The following SKAP1 variants were observed in gnomAD, a reference collection of about 807,000 sequenced individuals.
SKAP1 encodes src kinase-associated phosphoprotein 1.
In SKAP1, 44 loss-of-function variants were observed where a neutral mutation model predicts 58.5. That is an observed-to-expected ratio of 0.75 (90% CI 0.59 to 0.97). The LOEUF (loss-of-function observed/expected upper bound fraction) is 0.97, where lower values mean the gene tolerates loss of function less well. Among genes scored for constraint, SKAP1 ranks in the 50% least tolerant of loss-of-function variants. The probability of loss-of-function intolerance (pLI) is 0.00; values close to 1 mark genes in which losing one functional copy is unlikely to be tolerated. For synonymous variants in SKAP1, 127 were observed against 149.7 expected (o/e 0.85, Z 1.11); for missense variants, 390 against 435.2 (o/e 0.90, Z 0.92).
intron 4 of SKAP1, among the ~76,000 whole-genome samples, chr17:48,240,459 A>G (rs1487506736): frequency 6.6e-6 from 1 of 152,112 alleles, no homozygotes; most frequent in African/African-American, 2.4e-5. Flanking sequence ...ACAGGAAATA[A>G]CTCCTTTTAT....
chr17:48,323,735 G>A (rs765186916), intron 4 of SKAP1, among the ~76,000 whole-genome samples: 5 of 152,030 alleles, frequency 3.3e-5, no homozygotes, highest in Non-Finnish European at 7.4e-5. Context: ...ACATAACGAA[G>A]AGGGAGATAC....
At chr17:48,268,433 C>T (rs371314531) in intron 4 of SKAP1, among the ~76,000 whole-genome samples, 64 of 152,228 alleles carry the variant, frequency 4.2e-4, no homozygotes, top group East Asian at 3.9e-3. Flanking sequence ...AGAGCTGCTG[C>T]GGAAAATACT....
At position 48,386,306 on chromosome 17, in the gene SKAP1, C is replaced by CTTT. The variant is rs201047932; in HGVS notation, c.152+10371_152+10373dup. Among the ~76,000 whole-genome samples the CTTT allele has an allele frequency of 3.5e-3, 445 of 127,274 alleles. 8 individuals are homozygous for CTTT. Among genetic ancestry groups the CTTT allele is most frequent in the African/African-American group, 4.4e-3 (147 of 33,756 alleles). 83.5% of individuals were successfully genotyped at this position (127,274 alleles called of 152,430 possible). ...GCAACATGCCAGCACCATGCTAGAC[C>CTTT]TTTTTTTTTTTTTTTTTTGGTGACT... On this transcript the variant is annotated intron_variant, in intron 2 of 12. Transcript: ENST00000336915.
At chr17:48,235,091 C>T (rs138387634) in intron 4 of SKAP1, among the ~76,000 whole-genome samples, 23 of 152,192 alleles carry the variant, frequency 1.5e-4, no homozygotes, top group African/African-American at 5.5e-4. Flanking sequence ...GAAGGCTTCA[C>T]AGAGGAGACA....
chr17:48,313,227 ACAAGAT>A (rs1367285669), intron 4 of SKAP1, among the ~76,000 whole-genome samples: 2 of 152,188 alleles, frequency 1.3e-5, no homozygotes, highest in Middle Eastern at 3.4e-3. Flanking sequence ...ATGACCTTTG[ACAAGAT>A]TCCCCATGCG....
At chr17:48,191,110 G>C (rs146226558) in intron 4 of SKAP1, among the ~76,000 whole-genome samples, 2 of 152,328 alleles carry the variant, frequency 1.3e-5, no homozygotes, top group East Asian at 3.9e-4. Flanking sequence ...CTTTCAATTA[G>C]CCTTGTTAGG....
intron 2 of SKAP1, among the ~76,000 whole-genome samples, chr17:48,378,061 AAGACCTGT>A (rs1278376242): frequency 6.6e-6 from 1 of 152,092 alleles, no homozygotes; most frequent in Non-Finnish European, 1.5e-5. Flanking sequence ...ATTAGTCACC[AAGACCTGT>A]AGATTCTACT....
intron 1 of SKAP1, among the ~76,000 whole-genome samples, chr17:48,411,436 A>T (rs1381655013): frequency 6.6e-6 from 1 of 151,662 alleles, no homozygotes; most frequent in Non-Finnish European, 1.5e-5. Context: ...TAAATAAATA[A>T]ATGGGAGACA....
intron 4 of SKAP1, among the ~76,000 whole-genome samples, chr17:48,221,977 T>G (rs1329628251): frequency 2.6e-5 from 4 of 152,192 alleles, no homozygotes; most frequent in Non-Finnish European, 5.9e-5. Context: ...ATCTATAATT[T>G]GTAGTGATTC....
chr17:48,366,787 T>C (rs1342267243), intron 2 of SKAP1, among the ~76,000 whole-genome samples: 1 of 152,152 alleles, frequency 6.6e-6, no homozygotes, highest in African/African-American at 2.4e-5. Flanking sequence ...ATTCCTATCA[T>C]TACCCAACTT....
chr17:48,404,185 G>A (rs1324407532), intron 1 of SKAP1, among the ~76,000 whole-genome samples: 1 of 151,982 alleles, frequency 6.6e-6, no homozygotes, highest in East Asian at 1.9e-4. Flanking sequence ...GGGTGAGGTG[G>A]CTGACACCTG....
At chr17:48,381,931 A>G (rs987599958) in intron 2 of SKAP1, among the ~76,000 whole-genome samples, 5 of 152,352 alleles carry the variant, frequency 3.3e-5, no homozygotes, top group African/African-American at 1.2e-4. Context: ...TTCACTTTCT[A>G]TGACAAGGTT....
At chr17:48,386,487 A>G (rs1197349166) in intron 2 of SKAP1, among the ~76,000 whole-genome samples, 2 of 152,196 alleles carry the variant, frequency 1.3e-5, no homozygotes. Context: ...TCCTATTAAA[A>G]TGAGATTATG....
At chr17:48,182,824 C>T (rs555398719) in intron 7 of SKAP1, among the ~76,000 whole-genome samples, 14 of 152,238 alleles carry the variant, frequency 9.2e-5, no homozygotes, top group African/African-American at 2.4e-4. Flanking sequence ...TTGTAACAAC[C>T]GGATATCAAG....
chr17:48,406,063 G>A (rs977221093), intron 1 of SKAP1, among the ~76,000 whole-genome samples: 3 of 151,698 alleles, frequency 2.0e-5, no homozygotes, highest in Admixed American at 6.6e-5. Flanking sequence ...TCAAGAGATC[G>A]AGACCATCCT....
At chr17:48,283,430 T>C (rs987485476) in intron 4 of SKAP1, among the ~76,000 whole-genome samples, 1 of 152,214 alleles carries the variant, frequency 6.6e-6, no homozygotes, top group African/African-American at 2.4e-5. Flanking sequence ...ACAGTTCAAC[T>C]TCCTCTTGGT....
the SKAP1 span, among the ~76,000 whole-genome samples, chr17:48,444,030 G>T: frequency 6.6e-6 from 1 of 151,890 alleles, no homozygotes; most frequent in African/African-American, 2.4e-5. Context: ...GTAAATTACA[G>T]TCATCACGCT....
Position 48,410,258 on chromosome 17 carries a change from T to C in SKAP1, c.47-13473A>G, listed in dbSNP as rs113936673. ...AAGGCGAAGAGTCTAGAATGATCCATGTGGTAATGAATTAGAATTGGAGAC... is the reference window on the plus strand; with the variant it reads ...AAGGCGAAGAGTCTAGAATGATCCACGTGGTAATGAATTAGAATTGGAGAC... On this transcript the variant is annotated intron_variant, in intron 1 of 12. Coordinates refer to ENST00000336915, the MANE Select transcript of SKAP1 (RefSeq NM_003726.4). Among the ~76,000 whole-genome samples, 608 of 152,298 alleles carry C rather than the reference T, an allele frequency of 4.0e-3. 9 individuals carry two copies. Among genetic ancestry groups the C allele is most frequent in the African/African-American group, 0.014 (582 of 41,554 alleles).
At chr17:48,185,141 T>A in intron 6 of SKAP1, 4 of 255,284 alleles carry the variant, frequency 1.6e-5, no homozygotes, top group African/African-American at 2.3e-5. Context: ...AAGAAGGAAT[T>A]ATTACAGCAG....
Sources: allele counts gnomAD v4.1 joint callset (sites outside exome capture counted in the v4.1 genomes callset), GRCh38; gene constraint gnomAD v4.1.1; transcripts MANE v1.5; gene names NCBI Gene and HGNC (gene_info 2026-07-23, HGNC 2026-07-21).